Variants in POLR1C observed in about 807,000 individuals in gnomAD.
POLR1C encodes DNA-directed RNA polymerases I and III subunit RPAC1.
POLR1C carries 42 observed loss-of-function variants against 38.3 expected under a neutral mutation model. That is an observed-to-expected ratio of 1.10 (90% CI 0.86 to 1.42). The LOEUF (loss-of-function observed/expected upper bound fraction) is 1.42. Ranked by LOEUF, POLR1C falls within the 40% of genes most tolerant of loss-of-function variation. The pLI, the probability that POLR1C is intolerant of heterozygous loss-of-function variation, is 0.00. For synonymous variants in POLR1C, 163 were observed against 163.9 expected (o/e 0.99, Z 0.04); for missense variants, 507 against 450.5 (o/e 1.13, Z -1.14).
At chr6:43,553,569 C>A (rs763215458) in intron 10 of POLR1C, 1 of 1,509,632 alleles carries the variant, frequency 6.6e-7, no homozygotes. Flanking sequence ...ATTGAAAGAT[C>A]GCAGAAGACA....
At chr6:43,560,898 T>A (rs1762382655) in intron 10 of POLR1C, 2 of 1,590,338 alleles carry the variant, frequency 1.3e-6, no homozygotes, top group East Asian at 4.5e-5. Flanking sequence ...ACTAAACTTT[T>A]GAGAAGTTAC....
At chr6:43,524,028 A>G (rs1217991134), downstream of POLR1C, 5 of 1,607,698 alleles carry the variant, frequency 3.1e-6, no homozygotes. Context: ...AATGAGAAAG[A>G]ATTAATGCTG....
At chr6:43,544,355 CAT>C (rs1171194494) in intron 9 of POLR1C, 1 of 152,688 alleles carries the variant, frequency 6.5e-6, no homozygotes, top group Non-Finnish European at 1.5e-5. Flanking sequence ...ATAGTGAACA[CAT>C]GAGAATCTTC....
chr6:43,524,716 A>G, downstream of POLR1C: 1 of 1,587,528 alleles, frequency 6.3e-7, no homozygotes, highest in Non-Finnish European at 8.6e-7. Context: ...CCCATTTCTC[A>G]GAGATTGCAC....
At chr6:43,547,195 C>T (rs1795005730) in intron 9 of POLR1C, 3 of 354,370 alleles carry the variant, frequency 8.5e-6, no homozygotes, top group Non-Finnish European at 1.1e-5. Context: ...GGGACTTGTG[C>T]CATAATGGAG....
At chr6:43,517,230 A>G in intron 1 of POLR1C, 52 bp downstream of exon 1, 1 of 1,609,122 alleles carries the variant, frequency 6.2e-7, no homozygotes, top group South Asian at 1.1e-5. Flanking sequence ...CGGAACAGGG[A>G]TGGGTCTTGG....
chr6:43,518,015 A>C (rs933922109), intron 2 of POLR1C, among the ~76,000 whole-genome samples: 4 of 152,158 alleles, frequency 2.6e-5, no homozygotes, highest in Non-Finnish European at 5.9e-5. Flanking sequence ...ACAATGAAAA[A>C]GGTTAATGCT....
chr6:43,523,938 G>C, downstream of POLR1C: 1 of 1,614,000 alleles, frequency 6.2e-7, no homozygotes. Flanking sequence ...CATTGGCTTT[G>C]TTTTTTTGAA....
chr6:43,534,626 C>T (rs560808353), intron 9 of POLR1C, among the ~76,000 whole-genome samples: 39 of 152,332 alleles, frequency 2.6e-4, no homozygotes, highest in Middle Eastern at 3.4e-3. Context: ...AAACTGATGG[C>T]TACACGTTTA....
chr6:43,521,520 G>A (rs1307430473), downstream of POLR1C: 10 of 1,289,238 alleles, frequency 7.8e-6, no homozygotes, highest in South Asian at 4.6e-5. Flanking sequence ...AAAACTTTTT[G>A]AGACTACTTT....
At chr6:43,522,053 A>G (rs1243992788), downstream of POLR1C, among the ~76,000 whole-genome samples, 1 of 152,246 alleles carries the variant, frequency 6.6e-6, no homozygotes, top group Non-Finnish European at 1.5e-5. Flanking sequence ...TTACCAGGGA[A>G]GTTCATGTTG....
chr6:43,555,990 G>A, intron 10 of POLR1C: 1 of 1,611,500 alleles, frequency 6.2e-7, no homozygotes, highest in Non-Finnish European at 8.5e-7. Flanking sequence ...GCCAAGGGAA[G>A]GACAGGAATC....
downstream of POLR1C, chr6:43,523,408 A>G (rs888147021): frequency 3.4e-6 from 1 of 296,752 alleles, no homozygotes. Flanking sequence ...GCCCAGCAGC[A>G]AAAGGGCTCA....
chr6:43,533,184 C>A (rs1000314956), downstream of POLR1C, among the ~76,000 whole-genome samples: 17 of 145,608 alleles, frequency 1.2e-4, no homozygotes, highest in South Asian at 9.0e-4. Context: ...GGCTTAAAAT[C>A]TATTCCTTTA....
chr6:43,524,445 A>G (rs748882455), downstream of POLR1C: 5 of 1,606,670 alleles, frequency 3.1e-6, no homozygotes, highest in South Asian at 5.5e-5. Context: ...GGGGGTTGGG[A>G]GCACTATTGA....
At chr6:43,551,352 T>G (rs200535517) in intron 10 of POLR1C, 2 of 1,613,852 alleles carry the variant, frequency 1.2e-6, no homozygotes, top group Admixed American at 1.7e-5. Context: ...ATGGAAAGAG[T>G]GCAGAGACAT....
chr6:43,531,675 T>A, downstream of POLR1C: 1 of 990,166 alleles, frequency 1.0e-6, no homozygotes, highest in Non-Finnish European at 1.6e-6. Context: ...GGTGAAGATG[T>A]GTGCATGTCT....
intron 9 of POLR1C, among the ~76,000 whole-genome samples, chr6:43,545,672 A>G (rs1354929483): frequency 6.6e-6 from 1 of 151,960 alleles, no homozygotes; most frequent in African/African-American, 2.4e-5. Flanking sequence ...GCACCACTGC[A>G]CTCCCAGCCT....
At chr6:43,562,084 T>A in exon 11 of POLR1C, 1 of 527,588 alleles carries the variant, frequency 1.9e-6, no homozygotes. Flanking sequence ...TCAAACACTA[T>A]TCTATTAAGA....
Sources: allele counts gnomAD v4.1 joint callset (sites outside exome capture counted in the v4.1 genomes callset), GRCh38; gene constraint gnomAD v4.1.1; transcripts MANE v1.5; gene names NCBI Gene and HGNC (gene_info 2026-07-23, HGNC 2026-07-21).